The following NR3C1 variants were observed in gnomAD, a reference collection of about 807,000 sequenced individuals.
NR3C1 encodes the protein nuclear receptor subfamily 3 group C member 1.
In NR3C1, 14 loss-of-function variants were observed where a neutral mutation model predicts 74.0. The observed-to-expected ratio is 0.19, with a 90% CI of 0.12 to 0.30. The LOEUF is 0.30. Ranked by LOEUF, NR3C1 falls within the 10% of genes least tolerant of loss-of-function variation. The pLI, the probability that NR3C1 is intolerant of heterozygous loss-of-function variation, is 1.00. For synonymous variants in NR3C1, 308 were observed against 332.5 expected (o/e 0.93, Z 0.80); for missense variants, 695 against 909.8 (o/e 0.76, Z 3.04).
intron 6 of NR3C1, among the ~76,000 whole-genome samples, chr5:143,297,208 A>C (rs922643808): frequency 1.3e-5 from 2 of 152,178 alleles, no homozygotes; most frequent in African/African-American, 4.8e-5. Context: ...CTGTTGAGGA[A>C]AAAAAATTAT....
rs760355290 is a variant in NR3C1, at chr5:143,280,284, G to A, written c.*1605C>T. The stretch of plus-strand genomic sequence containing the variant: ...TATTTTACAATCATTTTAATAAATT[G>A]CATGTAAAGCTGCAGTAGCCCTTCC... On this transcript the variant is annotated 3_prime_UTR_variant, in exon 9 of 9. Transcript: ENST00000394464. 6.6e-6 allele frequency: 1 copy of A among 152,432 alleles called. No homozygotes were observed. Among genetic ancestry groups the A allele is most frequent in the Non-Finnish European group, 1.5e-5 (1 of 68,008 alleles). 9.4% of individuals were successfully genotyped at this position (152,432 alleles called of 1,614,324 possible). A position where few individuals can be genotyped will look rare whatever the true frequency, so the allele number is the denominator to read the frequency against.
At chr5:143,294,973 A>G in intron 7 of NR3C1, 1 of 985,400 alleles carries the variant, frequency 1.0e-6, no homozygotes, top group Non-Finnish European at 1.2e-6. Flanking sequence ...TAGATAATGA[A>G]TCTCTGACAA....
At chr5:143,365,945 T>C (rs1472319320) in intron 2 of NR3C1, among the ~76,000 whole-genome samples, 2 of 152,136 alleles carry the variant, frequency 1.3e-5, no homozygotes, top group African/African-American at 4.8e-5. Flanking sequence ...CAGAAGACTA[T>C]ACCTTGAGAC....
chr5:143,367,803 T>C (rs1833519934), intron 2 of NR3C1, among the ~76,000 whole-genome samples: 1 of 152,252 alleles, frequency 6.6e-6, no homozygotes, highest in Admixed American at 6.5e-5. Context: ...CTAATTGTTA[T>C]GATGGCAATA....
intron 6 of NR3C1, among the ~76,000 whole-genome samples, chr5:143,298,103 G>A (rs765705680): frequency 6.6e-6 from 1 of 152,186 alleles, no homozygotes; most frequent in Non-Finnish European, 1.5e-5. Flanking sequence ...GAAGTATTTC[G>A]CAGACACAGG....
intron 2 of NR3C1, among the ~76,000 whole-genome samples, chr5:143,379,585 A>G (rs1835822908): frequency 6.6e-6 from 1 of 152,372 alleles, no homozygotes; most frequent in East Asian, 1.9e-4. Flanking sequence ...ACTCCTTTGC[A>G]GTGTAATTGC....
intron 2 of NR3C1, among the ~76,000 whole-genome samples, chr5:143,364,526 C>T (rs545590371): frequency 7.5e-4 from 114 of 152,190 alleles, no homozygotes; most frequent in African/African-American, 2.6e-3. Context: ...TCCTTTTCTC[C>T]GTATCGGATT....
At chr5:143,427,795 T>A (rs1023664027) in intron 1 of NR3C1, among the ~76,000 whole-genome samples, 4 of 152,206 alleles carry the variant, frequency 2.6e-5, no homozygotes, top group African/African-American at 4.8e-5. Context: ...TCAAATCTCA[T>A]CTCTACCACT....
At chr5:143,287,460 T>C (rs1389706880) in intron 7 of NR3C1, among the ~76,000 whole-genome samples, 1 of 151,986 alleles carries the variant, frequency 6.6e-6, no homozygotes, top group East Asian at 1.9e-4. Flanking sequence ...ATTACAAAAC[T>C]ATGTCAAGGA....
chr5:143,318,763 C>A (rs1158138673), intron 2 of NR3C1, among the ~76,000 whole-genome samples: 3 of 152,188 alleles, frequency 2.0e-5, no homozygotes, highest in African/African-American at 7.2e-5. Flanking sequence ...ATCTTATACA[C>A]TTTTCTTTGA....
chr5:143,300,418 C>A lies in NR3C1; in HGVS notation c.1747+67G>T. On this transcript the variant is annotated intron_variant, in intron 5 of 8. Coordinates refer to ENST00000394464, the MANE Select transcript of NR3C1 (RefSeq NM_000176.3). This position sits in a 1 kb window ranked among gnomAD's most constrained non-coding sequence, Gnocchi z 5.2. ...CCATGGGCTCACGATGATATAAAAG[C>A]CAAAGTGTTTTTGCTGAAGAAAACA... 6.2e-7 allele frequency: 1 copy of A among 1,601,284 alleles called. No homozygotes were observed. The highest frequency in any genetic ancestry group is 8.6e-7 in the Non-Finnish European group (1 of 1,169,372).
At chr5:143,388,156 T>G (rs1837592260) in intron 2 of NR3C1, among the ~76,000 whole-genome samples, 1 of 152,202 alleles carries the variant, frequency 6.6e-6, no homozygotes, top group African/African-American at 2.4e-5. Flanking sequence ...CCAGAGTTAT[T>G]CTAAGAAATT....
At chr5:143,316,422 T>TAC (rs2151630096) in intron 2 of NR3C1, among the ~76,000 whole-genome samples, 1 of 152,336 alleles carries the variant, frequency 6.6e-6, no homozygotes, top group African/African-American at 2.4e-5. Flanking sequence ...TAATTATATA[T>TAC]ACACACATAT....
chr5:143,404,642 A>C, upstream of NR3C1: 8 of 400,342 alleles, frequency 2.0e-5, no homozygotes, highest in Non-Finnish European at 2.7e-5. Flanking sequence ...TGCACGCCAA[A>C]TGCAAAACCT....
At chr5:143,384,011 T>C (rs1836726320) in intron 2 of NR3C1, among the ~76,000 whole-genome samples, 1 of 152,182 alleles carries the variant, frequency 6.6e-6, no homozygotes, top group Non-Finnish European at 1.5e-5. Flanking sequence ...CTTAATTGAC[T>C]TACAGTTCCA....
At chr5:143,425,572 G>A (rs1473733537) in intron 1 of NR3C1, among the ~76,000 whole-genome samples, 1 of 152,108 alleles carries the variant, frequency 6.6e-6, no homozygotes, top group Non-Finnish European at 1.5e-5. Flanking sequence ...CAAATGACCT[G>A]ATAGTTCTCT....
intron 2 of NR3C1, among the ~76,000 whole-genome samples, chr5:143,358,848 C>T (rs886722970): frequency 5.3e-5 from 8 of 150,018 alleles, no homozygotes; most frequent in East Asian, 2.0e-4. Context: ...TGTGGTGAGC[C>T]GAGATCACAC....
chr5:143,394,601 T>C (rs1244227483), intron 2 of NR3C1, among the ~76,000 whole-genome samples: 1 of 151,982 alleles, frequency 6.6e-6, no homozygotes, highest in African/African-American at 2.4e-5. Flanking sequence ...ATGAGAAAAA[T>C]ATGAACTTAA....
intron 2 of NR3C1, among the ~76,000 whole-genome samples, chr5:143,331,903 C>T (rs893059388): frequency 6.6e-6 from 1 of 152,122 alleles, no homozygotes; most frequent in Non-Finnish European, 1.5e-5. Context: ...ATATAACAAA[C>T]CTGCACATGT....
Sources: gnomAD v4.1 joint callset for allele counts (sites outside exome capture counted in the v4.1 genomes callset) on GRCh38, gnomAD v4.1.1 for gene constraint, Gnocchi (gnomAD v3.1) non-coding constraint, MANE v1.5 for transcripts, NCBI Gene and HGNC (gene_info 2026-07-23, HGNC 2026-07-21) for gene names.